Variants in NRG3 observed in about 807,000 individuals in gnomAD.
NRG3 encodes neuregulin 3, also known as pro-neuregulin-3, membrane-bound isoform.
NRG3 carries 31 observed loss-of-function variants against 66.9 expected under a neutral mutation model. The observed-to-expected ratio is 0.46, with a 90% CI of 0.35 to 0.63. NRG3 has a LOEUF of 0.63. Among genes scored for constraint, NRG3 ranks in the 20% least tolerant of loss-of-function variants. NRG3 has a pLI of 0.00. For missense variants in NRG3, 910 were observed against 878.9 expected (o/e 1.04, Z -0.45); for synonymous variants, 393 against 359.4 (o/e 1.09, Z -1.06).
chr10:82,097,125 G>A (rs2066396897), intron 1 of NRG3, among the ~76,000 whole-genome samples: 1 of 151,774 alleles, frequency 6.6e-6, no homozygotes, highest in African/African-American at 2.4e-5. Context: ...TGGCAACTGT[G>A]TCGCTATAAT....
intron 2 of NRG3, among the ~76,000 whole-genome samples, chr10:82,660,911 A>C (rs1410689904): frequency 6.6e-6 from 1 of 151,926 alleles, no homozygotes; most frequent in Non-Finnish European, 1.5e-5. Flanking sequence ...CTTTATTTTC[A>C]ATGTCCTCCC....
intron 2 of NRG3, 83 bp from the exon 3 acceptor site, chr10:82,738,484 CACATTTATGT>C: frequency 1.0e-6 from 1 of 978,266 alleles, no homozygotes; most frequent in Admixed American, 1.7e-5. Context: ...GTACTGTTCT[CACATTTATGT>C]AATTGATGGC....
intron 1 of NRG3, among the ~76,000 whole-genome samples, chr10:82,215,003 T>C (rs569083757): frequency 4.6e-5 from 7 of 152,290 alleles, no homozygotes; most frequent in African/African-American, 1.7e-4. Flanking sequence ...CAAATACCAG[T>C]TAAGTACTCA....
intron 2 of NRG3, among the ~76,000 whole-genome samples, chr10:82,675,897 A>T (rs1389578785): frequency 6.6e-6 from 1 of 152,220 alleles, no homozygotes; most frequent in Non-Finnish European, 1.5e-5. Context: ...CATATTTTGT[A>T]TCTACATAAC....
intron 1 of NRG3, among the ~76,000 whole-genome samples, chr10:82,254,132 A>C (rs1259973218): frequency 6.6e-6 from 1 of 152,202 alleles, no homozygotes; most frequent in East Asian, 1.9e-4. Context: ...AACCATTTTT[A>C]GAATATTTAC....
At chr10:82,519,095 G>A (rs373051514) in intron 2 of NRG3, among the ~76,000 whole-genome samples, 5 of 152,284 alleles carry the variant, frequency 3.3e-5, no homozygotes, top group East Asian at 3.9e-4. Flanking sequence ...TTGAGGCACT[G>A]AAAAACTGTG....
intron 1 of NRG3, among the ~76,000 whole-genome samples, chr10:82,024,305 T>G (rs1461555888): frequency 1.4e-5 from 2 of 148,082 alleles, no homozygotes; most frequent in African/African-American, 5.3e-5. Flanking sequence ...GTTGTATTTG[T>G]TGATCTTTTG....
chr10:82,084,855 C>T (rs1002842491), intron 1 of NRG3, among the ~76,000 whole-genome samples: 1 of 152,104 alleles, frequency 6.6e-6, no homozygotes, highest in Non-Finnish European at 1.5e-5. Flanking sequence ...GGTCCCTGCC[C>T]AGTGCTTCAG....
In NRG3 at chr10:81,981,217, C is replaced by T. The variant is rs182294174; in HGVS notation, c.823+105054C>T. Among the ~76,000 whole-genome samples, 1,120 of 152,190 alleles carry T rather than the reference C, an allele frequency of 7.4e-3. 2 individuals carry two copies. The highest frequency in any genetic ancestry group is 0.012 in the Non-Finnish European group (810 of 68,010). On this transcript the variant is annotated intron_variant, in intron 1 of 8. Coordinates refer to ENST00000372141, the MANE Select transcript of NRG3 (RefSeq NM_001010848.4). ...ATGAGAGACTTGAGGTATGATTCAT[C>T]CTGAAGCAGAATTTCACTCCAGCTG...
intron 2 of NRG3, among the ~76,000 whole-genome samples, chr10:82,498,921 A>G (rs747015997): frequency 2.6e-5 from 4 of 152,152 alleles, no homozygotes; most frequent in Non-Finnish European, 5.9e-5. Flanking sequence ...TTCATGGCCC[A>G]CAGCTCAGTT....
intron 1 of NRG3, among the ~76,000 whole-genome samples, chr10:82,349,625 T>C (rs2083281973): frequency 1.3e-5 from 2 of 152,002 alleles, no homozygotes; most frequent in South Asian, 2.1e-4. Flanking sequence ...TTTGTTTACC[T>C]AAGCAAGCCT....
chr10:82,874,061 T>G (rs2136005835), intron 4 of NRG3, among the ~76,000 whole-genome samples: 1 of 152,158 alleles, frequency 6.6e-6, no homozygotes, highest in Admixed American at 6.5e-5. Flanking sequence ...TGTGTTGTAC[T>G]CAACGTCTGT....
rs562253690 is a variant in NRG3 at position 82,216,577 on chromosome 10, T to G, written c.824-142162T>G. On this transcript the variant is annotated intron_variant, in intron 1 of 8. Transcript: ENST00000372141. ...ACATATGTATGTATATATCTGGGTG[T>G]GTGTGTGTGTGTGTGTGTATAGATA... 2.2e-3 allele frequency among the ~76,000 whole-genome samples: 300 copies of G among 139,022 alleles called. 1 individual carries two copies. The highest frequency in any genetic ancestry group is 4.8e-3 in the South Asian group (21 of 4,374). 91.2% of individuals were successfully genotyped at this position (139,022 alleles called of 152,430 possible).
At chr10:82,190,457 CAATT>C in intron 1 of NRG3, among the ~76,000 whole-genome samples, 1 of 152,128 alleles carries the variant, frequency 6.6e-6, no homozygotes, top group East Asian at 1.9e-4. Context: ...AAGTTGATAT[CAATT>C]CTATTTTCTT....
chr10:82,655,071 T>C (rs1272836682), intron 2 of NRG3, among the ~76,000 whole-genome samples: 1 of 151,708 alleles, frequency 6.6e-6, no homozygotes, highest in Non-Finnish European at 1.5e-5. Flanking sequence ...ATAAAATGGG[T>C]TTTTCATTTA....
chr10:82,482,111 A>G (rs956288951), intron 2 of NRG3, among the ~76,000 whole-genome samples: 3 of 152,196 alleles, frequency 2.0e-5, no homozygotes, highest in Non-Finnish European at 4.4e-5. Flanking sequence ...ACAAATAGGA[A>G]ATATTAGGGA....
intron 2 of NRG3, among the ~76,000 whole-genome samples, chr10:82,651,642 C>T (rs775521951): frequency 6.6e-6 from 1 of 152,126 alleles, no homozygotes; most frequent in Non-Finnish European, 1.5e-5. Flanking sequence ...GCCTTTGGCC[C>T]ATAATTTTCA....
intron 1 of NRG3, among the ~76,000 whole-genome samples, chr10:82,056,339 A>T (rs574291439): frequency 6.6e-6 from 1 of 152,282 alleles, no homozygotes; most frequent in Admixed American, 6.5e-5. Flanking sequence ...TATTTGAAAA[A>T]AAAAATTAGT....
chr10:82,103,941 C>T (rs1318686308), intron 1 of NRG3, among the ~76,000 whole-genome samples: 1 of 150,244 alleles, frequency 6.7e-6, no homozygotes, highest in Non-Finnish European at 1.5e-5. Context: ...GCCCTCTTTC[C>T]CAGCGATCTA....
Sources: allele counts gnomAD v4.1 joint callset (sites outside exome capture counted in the v4.1 genomes callset), GRCh38; gene constraint gnomAD v4.1.1; transcripts MANE v1.5; gene names NCBI Gene and HGNC (gene_info 2026-07-23, HGNC 2026-07-21).